The following PTPRF variants were observed in gnomAD, a reference collection of about 807,000 sequenced individuals.
PTPRF encodes the protein receptor-type tyrosine-protein phosphatase F.
In PTPRF, 59 loss-of-function variants were observed where a neutral mutation model predicts 201.8. The ratio of observed to expected loss-of-function variants is 0.29; its 90% CI spans 0.24 to 0.36. The LOEUF is 0.36. PTPRF is among the 10% of genes least tolerant of loss of function. The probability of loss-of-function intolerance (pLI) is 1.00; values close to 1 mark genes in which losing one functional copy is unlikely to be tolerated. For synonymous variants in PTPRF, 1,088 were observed against 1,089.7 expected (o/e 1.00, Z 0.03); for missense variants, 2,132 against 2,690.5 (o/e 0.79, Z 4.59).
chr1:43,523,196 C>T (rs924648572), upstream of PTPRF, among the ~76,000 whole-genome samples: 8 of 151,806 alleles, frequency 5.3e-5, no homozygotes. Context: ...GGTGGGAGAT[C>T]TTGGGCATGC....
Position 43,605,246 on chromosome 1 carries a change from C to T in PTPRF, c.3192C>T (p.Ile1064=), listed in dbSNP as rs141744674. 5.6e-5 allele frequency: 90 copies of T among 1,609,474 alleles called. No homozygotes were observed. The highest frequency in any genetic ancestry group is 1.7e-4 in the Middle Eastern group (1 of 6,046). The change falls in exon 18 of 34, where the codon ATC becomes ATT. Residue 1064 remains isoleucine, a synonymous_variant. Transcript: ENST00000359947. ...ACGGGCACTCGATGCGGAAGCTGAT[C>T]GCAGACCTGCAGCCCAACACAGAGT... ...EVDGHSMRKL[I]ADLQPNTEYS...
At chr1:43,586,425 C>T (rs372773491) in intron 7 of PTPRF, among the ~76,000 whole-genome samples, 16 of 152,198 alleles carry the variant, frequency 1.1e-4, no homozygotes, top group African/African-American at 3.9e-4. Context: ...GGCTGAGCCT[C>T]CTGCTCTCAC....
At chr1:43,560,467 T>C (rs973146094) in intron 5 of PTPRF, among the ~76,000 whole-genome samples, 7 of 150,106 alleles carry the variant, frequency 4.7e-5, no homozygotes, top group African/African-American at 2.5e-5. Context: ...GCCTCGGGAG[T>C]GTGTGGGGGT....
intron 7 of PTPRF, among the ~76,000 whole-genome samples, chr1:43,586,065 A>G (rs1281781648): frequency 1.3e-5 from 2 of 152,074 alleles, no homozygotes; most frequent in Non-Finnish European, 2.9e-5. Context: ...GTTTTTCATC[A>G]CACAGACCTA....
chr1:43,589,456 T>C (rs1042872453), intron 8 of PTPRF, among the ~76,000 whole-genome samples: 3 of 151,946 alleles, frequency 2.0e-5, no homozygotes, highest in Non-Finnish European at 4.4e-5. Context: ...TCAGGTTTAA[T>C]AGCCTCCCAG....
intron 3 of PTPRF, among the ~76,000 whole-genome samples, chr1:43,547,817 A>G (rs1320189009): frequency 1.3e-5 from 2 of 152,214 alleles, no homozygotes; most frequent in Admixed American, 6.5e-5. Context: ...TTGGGCACAC[A>G]TTGGGGTAGG....
rs747346326 is a variant in PTPRF, at chr1:43,606,341, G to A, written c.3585G>A (p.Pro1195=). Residue 1195 remains proline, a synonymous_variant, in exon 20 of 34, where the codon CCG becomes CCA. Transcript: ENST00000359947. ...PYVAAQLDVL[P]ETFTLGDKKN... ...TGGCTGCTCAACTGGATGTGCTCCC[G>A]GAGACCTTTACCTTGGGGGACAAGA... 2.8e-5 allele frequency: 45 copies of A among 1,614,054 alleles called. No homozygotes were observed. The highest frequency in any genetic ancestry group is 5.0e-5 in the Admixed American group (3 of 60,004).
At chr1:43,529,586 G>A (rs1202482422), upstream of PTPRF, among the ~76,000 whole-genome samples, 1 of 152,214 alleles carries the variant, frequency 6.6e-6, no homozygotes, top group East Asian at 1.9e-4. Flanking sequence ...CCAGGGCAGT[G>A]GGGGTAGGTC....
intron 5 of PTPRF, among the ~76,000 whole-genome samples, chr1:43,569,079 A>G (rs1646384135): frequency 6.6e-6 from 1 of 152,176 alleles, no homozygotes; most frequent in African/African-American, 2.4e-5. Context: ...CCAGGCGGTG[A>G]CCTGGGGCTC....
In PTPRF at chr1:43,553,732, G is replaced by A; in HGVS notation, c.238-68G>A. ...CCTCATGGACCTTTTGGAGGTGGGA[G>A]GACAACTGACCCTGAGCAGGCTCCT... On this transcript the variant is annotated intron_variant, in intron 4 of 33. Coordinates refer to ENST00000359947, the MANE Select transcript of PTPRF (RefSeq NM_002840.5). This position sits in a 1 kb window ranked among gnomAD's most constrained non-coding sequence, Gnocchi z 4.1. 4 of 1,609,732 alleles carry A rather than the reference G, an allele frequency of 2.5e-6. No individual in the cohort carries two copies. Among genetic ancestry groups the A allele is most frequent in the African/African-American group, 1.3e-5 (1 of 74,994 alleles).
intron 3 of PTPRF, among the ~76,000 whole-genome samples, chr1:43,550,608 C>G (rs537757761): frequency 1.6e-4 from 25 of 152,324 alleles, no homozygotes; most frequent in African/African-American, 5.8e-4. Context: ...TGCTATCTGC[C>G]CTGCCCAGGG....
chr1:43,613,815 G>A (rs1657075007), intron 23 of PTPRF, 100 bp downstream of exon 23: 1 of 1,070,008 alleles, frequency 9.3e-7, no homozygotes, highest in African/African-American at 1.6e-5. Context: ...AGGAAGCAGG[G>A]GTCCAGCTTT....
intron 2 of PTPRF, among the ~76,000 whole-genome samples, chr1:43,540,622 G>A (rs1404161486): frequency 1.3e-5 from 2 of 152,128 alleles, no homozygotes; most frequent in Admixed American, 1.3e-4. Flanking sequence ...AAGTCTCTGC[G>A]ACACTCCTCC....
chr1:43,578,444 G>C (rs1268891276), intron 6 of PTPRF, among the ~76,000 whole-genome samples: 1 of 152,206 alleles, frequency 6.6e-6, no homozygotes, highest in Non-Finnish European at 1.5e-5. Flanking sequence ...GGCTTAGTGG[G>C]GCTGCGGGGC....
chr1:43,576,560 C>T lies in PTPRF; in HGVS notation c.569-2250C>T, dbSNP rs375372509. On this transcript the variant is annotated intron_variant, in intron 6 of 33. Coordinates refer to ENST00000359947, the MANE Select transcript of PTPRF (RefSeq NM_002840.5). ...CTAGGCTGCCTCCACGCAGCAGGGC[C>T]CTGCAGCCTAAGAGTTAAAAGCACA... 7.2e-5 allele frequency among the ~76,000 whole-genome samples: 11 copies of T among 152,304 alleles called. No individual in the cohort carries two copies. In the East Asian group the frequency reaches 2.1e-3, roughly 29 times the overall value.
At chr1:43,540,694 CA>C (rs1184165957) in intron 2 of PTPRF, among the ~76,000 whole-genome samples, 1 of 152,212 alleles carries the variant, frequency 6.6e-6, no homozygotes, top group South Asian at 2.1e-4. Context: ...GGGTGGGACT[CA>C]GTCCAGCTGG....
Position 43,598,877 on chromosome 1 carries a change from C to A in PTPRF, c.2277C>A (p.Leu759=). 1 of 1,614,080 alleles carries A rather than the reference C, an allele frequency of 6.2e-7. No homozygotes were observed. The highest frequency in any genetic ancestry group is 8.5e-7 in the Non-Finnish European group (1 of 1,180,006). Residue 759 remains leucine (L), a synonymous_variant, in exon 13 of 34, where the codon CTC becomes CTA. Transcript: ENST00000359947. ...TGGAGAATGGCGAGCCCCGTGGACT[C>A]CCCATCATCCAAGACGTCATGCTAG... ...VRLENGEPRG[L]PIIQDVMLAE...
chr1:43,591,256 G>C lies in PTPRF; in HGVS notation c.1234G>C (p.Ala412Pro), dbSNP rs1186829781. 2.5e-6 allele frequency: 4 copies of C among 1,576,610 alleles called. No individual in the cohort carries two copies. Among genetic ancestry groups the C allele is most frequent in the African/African-American group, 2.7e-5 (2 of 74,062 alleles). Residue 412 changes from alanine (A) to proline (P), a missense_variant, in exon 9 of 34, where the codon GCG becomes CCG. By Grantham distance (27) the Ala-to-Pro change is conservative. Around this residue, in one of 6 missense-constraint regions of PTPRF, gnomAD observed 351 missense variants for 401.7 expected, o/e 0.87. Coordinates refer to ENST00000359947, the MANE Select transcript of PTPRF (RefSeq NM_002840.5). ...AGTGCGGGCACGCACGGGAGAACAG[G>C]CGCCCTCCAGCCCACCGCGCCGCGT... ...EAVRARTGEQ[A>P]PSSPPRRVQA...
chr1:43,529,245 C>G (rs1026869296), upstream of PTPRF, among the ~76,000 whole-genome samples: 10 of 152,320 alleles, frequency 6.6e-5, no homozygotes, highest in African/African-American at 2.2e-4. Flanking sequence ...CGTTTGTCAT[C>G]CAAACCAAAT....
Sources: allele counts gnomAD v4.1 joint callset (sites outside exome capture counted in the v4.1 genomes callset), GRCh38; gene constraint gnomAD v4.1.1; regional missense constraint gnomAD v4.1.1; non-coding constraint Gnocchi (gnomAD v3.1); transcripts MANE v1.5; gene names NCBI Gene and HGNC (gene_info 2026-07-23, HGNC 2026-07-21).